The following TRPV3 variants were observed in gnomAD, a reference collection of about 807,000 sequenced individuals.
TRPV3 encodes the protein VRL-3.
A neutral mutation model predicts 87.1 loss-of-function variants in TRPV3; 88 were observed. The ratio of observed to expected loss-of-function variants is 1.01; its 90% CI spans 0.85 to 1.21. TRPV3 has a LOEUF of 1.21. Ranked by LOEUF, TRPV3 falls within the 50% of genes most tolerant of loss-of-function variation. The pLI is 0.00. For synonymous variants in TRPV3, 438 were observed against 423.3 expected, an observed-to-expected ratio of 1.03 and a Z score of -0.43; for missense variants, 1,054 against 1,030.1, an observed-to-expected ratio of 1.02 and a Z score of -0.32.
intron 13 of TRPV3, among the ~76,000 whole-genome samples, chr17:3,523,804 T>G (rs1726996572): frequency 6.6e-6 from 1 of 152,096 alleles, no homozygotes; most frequent in Admixed American, 6.6e-5. Flanking sequence ...ATATTTTCAT[T>G]ATTTGCAAAT....
Position 3,516,469 on chromosome 17 carries a change from C to T in TRPV3, c.2186G>A (p.Arg729Gln), listed in dbSNP as rs539339155. The part of the protein sequence containing the change: ...ELCKVAEDDF[R>Q]LCLRINEVKW... ...CTCCCTTTGTTACCGCAAACACAGTCGGAAATCATCCTCGGCCACTTTGCA... is the reference window on the plus strand; with the variant it reads ...CTCCCTTTGTTACCGCAAACACAGTTGGAAATCATCCTCGGCCACTTTGCA... The change falls in exon 16 of 18, where the codon CGA (arginine) becomes CAA (glutamine). Residue 729 changes from arginine to glutamine, a missense_variant. Transcript: ENST00000576742. 12 of 1,613,976 alleles carry T rather than the reference C, an allele frequency of 7.4e-6. No homozygotes were observed. The highest frequency in any genetic ancestry group is 4.0e-5 in the African/African-American group (3 of 75,016).
chr17:3,524,301 T>C lies in TRPV3; in HGVS notation c.1640A>G (p.Tyr547Cys). The C allele has an allele frequency of 6.2e-7, 1 of 1,614,206 alleles. No homozygotes were observed. The highest frequency in any genetic ancestry group is 1.1e-5 in the South Asian group (1 of 91,088). Residue 547 changes from tyrosine to cysteine, a missense_variant, in exon 13 of 18, where the codon TAC becomes TGC. Coordinates refer to ENST00000576742, the MANE Select transcript of TRPV3 (RefSeq NM_145068.4). ...VFLYLFAYKE[Y>C]LACLVLAMAL... ...CATGGCCAGCACGAGGCAGGCGAGG[T>C]ACTCTTTGTAGGCAAACAAGTACAA...
intron 8 of TRPV3, 98 bp downstream of exon 8, chr17:3,532,559 G>A: frequency 1.4e-6 from 2 of 1,429,726 alleles, no homozygotes; most frequent in Non-Finnish European, 1.9e-6. Flanking sequence ...CTGAGGCTGT[G>A]GTTTGTGAAT....
At chr17:3,527,937 C>G in intron 11 of TRPV3, 88 bp downstream of exon 11, 1 of 1,054,048 alleles carries the variant, frequency 9.5e-7, no homozygotes, top group Non-Finnish European at 1.5e-6. Flanking sequence ...CCAGAACCCC[C>G]CAGCAGTAAT....
rs184921571 is a variant in TRPV3, at chr17:3,525,904, C to T, written c.1577+950G>A. 1.4e-3 allele frequency among the ~76,000 whole-genome samples: 207 copies of T among 152,272 alleles called. 2 individuals carry two copies. Among genetic ancestry groups the T allele is most frequent in the Middle Eastern group, 6.8e-3 (2 of 294 alleles). Reference sequence around the variant, plus strand: ...TGCTGGGATTACAAGCATGACCCATCGTGCCCGGCCCACAGTTAAAATGTT... The same window carrying T: ...TGCTGGGATTACAAGCATGACCCATTGTGCCCGGCCCACAGTTAAAATGTT... On this transcript the variant is annotated intron_variant, in intron 12 of 17. Coordinates refer to ENST00000576742, the MANE Select transcript of TRPV3 (RefSeq NM_145068.4).
intron 7 of TRPV3, 98 bp from the exon 8 acceptor site, chr17:3,533,035 G>T: frequency 7.2e-7 from 1 of 1,387,012 alleles, no homozygotes; most frequent in Non-Finnish European, 9.9e-7. Flanking sequence ...TCAGCAGGAT[G>T]GGCACCTCAG....
chr17:3,521,552 C>T (rs1308848021), intron 13 of TRPV3, among the ~76,000 whole-genome samples: 1 of 152,122 alleles, frequency 6.6e-6, no homozygotes, highest in African/African-American at 2.4e-5. Context: ...AATGTTCTCA[C>T]CACACACAAA....
At chr17:3,537,455 G>A (rs1167922161) in intron 6 of TRPV3, among the ~76,000 whole-genome samples, 1 of 152,116 alleles carries the variant, frequency 6.6e-6, no homozygotes, top group Non-Finnish European at 1.5e-5. Flanking sequence ...ATTTTTTGTA[G>A]AGACAGGATC....
At position 3,518,687 on chromosome 17, in the gene TRPV3, G is replaced by A; in HGVS notation, c.1974C>T (p.Leu658=). ...SKYPILFLFL[L]ITYVILTFVL... ...CAAAGGTGAGGATGACATAGGTGAT[G>A]AGCAGGAACAGAAAGAGAATGGGAT... Residue 658 remains leucine, a synonymous_variant, in exon 15 of 18, where the codon CTC becomes CTT. Coordinates refer to ENST00000576742, the MANE Select transcript of TRPV3 (RefSeq NM_145068.4). The surrounding 1 kb of genome is among the most constrained non-coding windows in gnomAD (Gnocchi z 4.3). The A allele has an allele frequency of 6.2e-7, 1 of 1,609,920 alleles. No individual in the cohort carries two copies. Among genetic ancestry groups the A allele is most frequent in the Non-Finnish European group, 8.5e-7 (1 of 1,178,250 alleles).
At chr17:3,544,197 C>T (rs1255265612) in intron 4 of TRPV3, among the ~76,000 whole-genome samples, 1 of 152,232 alleles carries the variant, frequency 6.6e-6, no homozygotes, top group African/African-American at 2.4e-5. Flanking sequence ...TTAGTAGAGA[C>T]GGGGTTTCAC....
intron 3 of TRPV3, 38 bp from the exon 4 acceptor site, chr17:3,544,703 A>G: frequency 6.6e-7 from 1 of 1,518,736 alleles, no homozygotes; most frequent in East Asian, 2.3e-5. Flanking sequence ...AGGGTTTTAA[A>G]GTTTTAAAAT....
At chr17:3,554,441 C>T (rs1438403763) in intron 2 of TRPV3, 1 of 320,606 alleles carries the variant, frequency 3.1e-6, no homozygotes, top group African/African-American at 2.1e-5. Context: ...CCAGCCATCC[C>T]TCACCTCCCT....
rs758219963 is a variant in TRPV3 at position 3,542,649 on chromosome 17, C to G, written c.516G>C (p.Leu172=). 4 of 1,614,136 alleles carry G rather than the reference C, an allele frequency of 2.5e-6. No individual in the cohort carries two copies. Among genetic ancestry groups the G allele is most frequent in the Non-Finnish European group, 3.4e-6 (4 of 1,180,002 alleles). ...LTASDTGKTC[L]MKALLNINPN... is the part of the protein sequence containing the mutation. ...GGTTGATGTTTAACAAGGCCTTCATCAGGCAGGTCTTCCCCGTGTCGGAGG... is the reference window on the plus strand; with the variant it reads ...GGTTGATGTTTAACAAGGCCTTCATGAGGCAGGTCTTCCCCGTGTCGGAGG... The change falls in exon 6 of 18, where the codon CTG becomes CTC. Residue 172 remains leucine, a synonymous_variant. Transcript: ENST00000576742.
chr17:3,535,604 G>A lies in TRPV3; in HGVS notation c.753C>T (p.Asn251=), dbSNP rs2074401855. 1 of 1,609,476 alleles carries A rather than the reference G, an allele frequency of 6.2e-7. No homozygotes were observed. The highest frequency in any genetic ancestry group is 1.3e-5 in the African/African-American group (1 of 74,368). The part of the protein sequence containing the change: ...VNAHAKGAFF[N]PKYQHEGFYF... The stretch of plus-strand genomic sequence containing the variant: ...AGAAGCCTTCGTGTTGGTACTTGGG[G>A]TTGAAGAAGGCCCCCTTGGCGTGCG... The change falls in exon 7 of 18, where the codon AAC becomes AAT. Residue 251 remains asparagine (N), a synonymous_variant. Transcript: ENST00000576742.
chr17:3,511,214 C>T lies in TRPV3; in HGVS notation c.*2703G>A, dbSNP rs2074108740. 6.6e-6 allele frequency: 1 copy of T among 152,152 alleles called. No individual in the cohort carries two copies. Among genetic ancestry groups the T allele is most frequent in the South Asian group, 2.1e-4 (1 of 4,830 alleles). The allele number at this position is 152,152 out of a possible 1,614,324, so 9.4% of individuals were successfully genotyped here. A position where few individuals can be genotyped will look rare whatever the true frequency, so the allele number is the denominator to read the frequency against. On this transcript the variant is annotated 3_prime_UTR_variant, in exon 18 of 18. Coordinates refer to ENST00000576742, the MANE Select transcript of TRPV3 (RefSeq NM_145068.4). ...GGTTTTGTGCACCCCTGTGGGCACACTTGAATTTTCAACTAGTCATAGGGA... is the reference window on the plus strand; with the variant it reads ...GGTTTTGTGCACCCCTGTGGGCACATTTGAATTTTCAACTAGTCATAGGGA...
chr17:3,519,001 T>A, intron 14 of TRPV3, 151 bp from the exon 15 acceptor site: 1 of 882,632 alleles, frequency 1.1e-6, no homozygotes, highest in South Asian at 1.8e-5. Context: ...CAAAGCCTCA[T>A]CAGGCTGGCT....
rs2074504834 is a variant in TRPV3 at position 3,544,615 on chromosome 17, T to A, written c.275A>T (p.Asp92Val). ...DMDSPQSPQD[D>V]VTETPSNPNS... The stretch of plus-strand genomic sequence containing the variant: ...GGGATTGGATGGGGTCTCTGTCACA[T>A]CATCCTGAGGAGACTGGGGGGAGTC... The change falls in exon 4 of 18, where the codon GAT becomes GTT. Residue 92 changes from aspartate (D) to valine (V), a missense_variant. By Grantham distance (152) the Asp-to-Val change is radical. Transcript: ENST00000576742. The A allele has an allele frequency of 6.2e-7, 1 of 1,608,612 alleles. No individual in the cohort carries two copies. The highest frequency in any genetic ancestry group is 1.3e-5 in the African/African-American group (1 of 74,688).
chr17:3,538,028 C>T (rs2074424019), intron 6 of TRPV3, among the ~76,000 whole-genome samples: 1 of 151,650 alleles, frequency 6.6e-6, no homozygotes, highest in Non-Finnish European at 1.5e-5. Context: ...GAAACTCTGT[C>T]TCTACTAAAA....
intron 6 of TRPV3, among the ~76,000 whole-genome samples, chr17:3,542,085 T>A (rs9893720): frequency 0.44 from 66,275 of 151,916 alleles, 14,541 homozygotes; most frequent in Middle Eastern, 0.48. Context: ...GCCTCCCAAG[T>A]AGCTGGGATT....
Sources: allele counts gnomAD v4.1 joint callset (sites outside exome capture counted in the v4.1 genomes callset), GRCh38; gene constraint gnomAD v4.1.1; non-coding constraint Gnocchi (gnomAD v3.1); transcripts MANE v1.5; gene names NCBI Gene and HGNC (gene_info 2026-07-23, HGNC 2026-07-21).